Variants in P2RY14 observed in about 807,000 individuals in gnomAD.
P2RY14 encodes P2Y purinoceptor 14.
A neutral mutation model predicts 0.9 loss-of-function variants in P2RY14; 2 were observed. That is an observed-to-expected ratio of 2.16 (90% confidence interval 0.88 to 6.79). P2RY14 has a LOEUF of 6.79. Among genes scored for constraint, P2RY14 ranks in the 30% most tolerant of loss-of-function variants. The pLI, the probability that P2RY14 is intolerant of heterozygous loss-of-function variation, is 0.05. For missense variants in P2RY14, 378 were observed against 400.1 expected (o/e 0.94, Z 0.47); for synonymous variants, 158 against 147.2 (o/e 1.07, Z -0.53).
chr3:151,248,222 C>T (rs1288002336), intron 1 of P2RY14, among the ~76,000 whole-genome samples: 2 of 151,918 alleles, frequency 1.3e-5, no homozygotes, highest in African/African-American at 4.8e-5. Flanking sequence ...AAACCTAAGA[C>T]ACTAATAAAA....
intron 1 of P2RY14, among the ~76,000 whole-genome samples, chr3:151,260,302 A>G (rs1321017359): frequency 2.6e-5 from 4 of 152,038 alleles, no homozygotes; most frequent in Non-Finnish European, 5.9e-5. Context: ...TTAACCTCTC[A>G]TTTCCTTCTT....
At chr3:151,260,479 A>G (rs1478179995) in intron 1 of P2RY14, among the ~76,000 whole-genome samples, 1 of 152,132 alleles carries the variant, frequency 6.6e-6, no homozygotes, top group Non-Finnish European at 1.5e-5. Flanking sequence ...CCTCCCAAGT[A>G]GCTGGGACTG....
chr3:151,236,341 A>G (rs1732795075), intron 1 of P2RY14, among the ~76,000 whole-genome samples: 2 of 152,244 alleles, frequency 1.3e-5, no homozygotes, highest in Admixed American at 1.3e-4. Flanking sequence ...TAACATATAT[A>G]GATATCCTTT....
chr3:151,251,604 T>C (rs1009460878), intron 1 of P2RY14, among the ~76,000 whole-genome samples: 18 of 152,200 alleles, frequency 1.2e-4, no homozygotes, highest in Non-Finnish European at 2.9e-5. Flanking sequence ...AGTAGAGTGC[T>C]CTGTGATTTG....
chr3:151,227,100 C>T (rs1419018668), intron 1 of P2RY14, among the ~76,000 whole-genome samples: 3 of 152,198 alleles, frequency 2.0e-5, no homozygotes, highest in African/African-American at 7.2e-5. Flanking sequence ...GCTGCTGTGA[C>T]CCATCGACTT....
intron 1 of P2RY14, among the ~76,000 whole-genome samples, chr3:151,237,960 C>G (rs2149362007): frequency 6.6e-6 from 1 of 152,098 alleles, no homozygotes; most frequent in South Asian, 2.1e-4. Context: ...TTTGGTGTCT[C>G]TACTATAAAT....
chr3:151,243,535 G>T (rs1734695288), intron 1 of P2RY14, among the ~76,000 whole-genome samples: 2 of 152,140 alleles, frequency 1.3e-5, no homozygotes, highest in Non-Finnish European at 2.9e-5. Context: ...AAGCGAAGGA[G>T]AAATAAAATA....
chr3:151,247,761 TAAA>T (rs71138490), intron 1 of P2RY14, among the ~76,000 whole-genome samples: 5 of 144,136 alleles, frequency 3.5e-5, no homozygotes, highest in African/African-American at 5.2e-5. Context: ...TAATGTATAA[TAAA>T]AAAAAAAAGC....
At chr3:151,245,834 C>G (rs1219415664) in intron 1 of P2RY14, among the ~76,000 whole-genome samples, 37 of 150,972 alleles carry the variant, frequency 2.5e-4, no homozygotes, top group African/African-American at 9.0e-4. Context: ...CAAATTGTCC[C>G]TGTTTGCAGA....
intron 1 of P2RY14, among the ~76,000 whole-genome samples, chr3:151,250,642 A>G (rs1736672418): frequency 6.6e-6 from 1 of 152,192 alleles, no homozygotes; most frequent in Non-Finnish European, 1.5e-5. Flanking sequence ...CGCTCTATGT[A>G]TATACCACAT....
chr3:151,228,526 T>C (rs1297245920), intron 1 of P2RY14, among the ~76,000 whole-genome samples: 1 of 152,196 alleles, frequency 6.6e-6, no homozygotes, highest in Non-Finnish European at 1.5e-5. Context: ...GGAGGCACAG[T>C]AGACCCTTTG....
At chr3:151,233,735 A>AAAAAAC (rs746595828) in intron 1 of P2RY14, among the ~76,000 whole-genome samples, 2 of 152,212 alleles carry the variant, frequency 1.3e-5, no homozygotes, top group Admixed American at 6.5e-5. Context: ...CTCCGTCTCA[A>AAAAAAC]AAAAACAAAA....
chr3:151,245,943 TAC>T lies in P2RY14; in HGVS notation c.-132-26303_-132-26302del, dbSNP rs1280390298. ...AAAGTCTCAGGATACAAAATCAATG[TAC>T]AAAAATCACAAGCATTCTTATACAC... On this transcript the variant is annotated intron_variant, in intron 1 of 2. Transcript: ENST00000309170. Among the ~76,000 whole-genome samples the T allele has an allele frequency of 6.6e-5, 10 of 151,450 alleles. No individual in the cohort carries two copies. The East Asian group carries it at 1.9e-3, about 29-fold the overall frequency.
At chr3:151,261,585 A>T (rs913971088) in intron 1 of P2RY14, 2 of 152,338 alleles carry the variant, frequency 1.3e-5, no homozygotes, top group Middle Eastern at 6.8e-3. Flanking sequence ...GGCCTGGATC[A>T]GCATGACCTG....
At chr3:151,215,366 A>G (rs944967449) in intron 2 of P2RY14, among the ~76,000 whole-genome samples, 2 of 152,238 alleles carry the variant, frequency 1.3e-5, no homozygotes, top group Non-Finnish European at 2.9e-5. Flanking sequence ...GAATGAAAAA[A>G]TGTAAAATAT....
At chr3:151,235,821 G>T (rs1732640434) in intron 1 of P2RY14, among the ~76,000 whole-genome samples, 1 of 152,130 alleles carries the variant, frequency 6.6e-6, no homozygotes, top group Non-Finnish European at 1.5e-5. Flanking sequence ...GCTGGTCTCT[G>T]TTAAAATGTC....
chr3:151,244,415 A>G (rs371648381), intron 1 of P2RY14, among the ~76,000 whole-genome samples: 2 of 136,926 alleles, frequency 1.5e-5, no homozygotes, highest in South Asian at 5.2e-4. Flanking sequence ...ATAACAAACT[A>G]TCTCTCAGAC....
chr3:151,216,177 G>A (rs1034719955), intron 2 of P2RY14, among the ~76,000 whole-genome samples: 2 of 152,078 alleles, frequency 1.3e-5, no homozygotes, highest in Non-Finnish European at 2.9e-5. Flanking sequence ...AATATTTAGG[G>A]CATTAGATAG....
At chr3:151,264,126 A>G (rs1739406564) in intron 1 of P2RY14, among the ~76,000 whole-genome samples, 1 of 152,278 alleles carries the variant, frequency 6.6e-6, no homozygotes, top group African/African-American at 2.4e-5. Context: ...GTTACTGGAC[A>G]TTTGGGTTAT....
Sources: gnomAD v4.1 joint callset for allele counts (sites outside exome capture counted in the v4.1 genomes callset) on GRCh38, gnomAD v4.1.1 for gene constraint, MANE v1.5 for transcripts, NCBI Gene and HGNC (gene_info 2026-07-23, HGNC 2026-07-21) for gene names.